Variants in SNX16 observed in about 807,000 individuals in gnomAD.
SNX16 encodes the protein sorting nexin 16, also known as sorting nexin-16.
SNX16 carries 35 observed loss-of-function variants against 36.7 expected under a neutral mutation model. The observed-to-expected ratio is 0.95, with a 90% CI of 0.73 to 1.27. SNX16 has a LOEUF of 1.27. Ranked by LOEUF, SNX16 falls within the 50% of genes most tolerant of loss-of-function variation. SNX16 has a pLI of 0.00. For missense variants in SNX16, 367 were observed against 393.6 expected, an observed-to-expected ratio of 0.93 and a Z score of 0.57; for synonymous variants, 134 against 132.0, an observed-to-expected ratio of 1.02 and a Z score of -0.10.
At chr8:81,841,601 G>A (rs1811779921) in intron 1 of SNX16, 1 of 151,846 alleles carries the variant, frequency 6.6e-6, no homozygotes, top group South Asian at 2.1e-4. Flanking sequence ...ACTGACGTCC[G>A]AAGATGTGAG....
rs932878468 is a variant in SNX16, at chr8:81,839,516, A to G, written c.375+96T>C. On this transcript the variant is annotated intron_variant, in intron 2 of 7. Transcript: ENST00000345957. ...ATTAGAATTTCATATTCAAGAAATT[A>G]TAAGTACAAGTTTACATTAATTTAA... The G allele has an allele frequency of 9.3e-6, 11 of 1,186,764 alleles. No homozygotes were observed. The Admixed American group carries it at 9.4e-5, about 10-fold the overall frequency. The allele number at this position is 1,186,764 out of a possible 1,614,324, so 73.5% of individuals were successfully genotyped here.
intron 2 of SNX16, among the ~76,000 whole-genome samples, chr8:81,839,293 T>C (rs1191245856): frequency 6.6e-6 from 1 of 152,070 alleles, no homozygotes; most frequent in Non-Finnish European, 1.5e-5. Context: ...ATAGGCAAAA[T>C]TAATCTAGGC....
intron 5 of SNX16, among the ~76,000 whole-genome samples, chr8:81,806,452 A>G (rs1323955233): frequency 6.6e-6 from 1 of 152,212 alleles, no homozygotes; most frequent in Non-Finnish European, 1.5e-5. Context: ...GCATTCACAC[A>G]CACACACATC....
chr8:81,833,981 C>T (rs1811381665), intron 2 of SNX16, among the ~76,000 whole-genome samples: 1 of 152,116 alleles, frequency 6.6e-6, no homozygotes, highest in African/African-American at 2.4e-5. Context: ...CATAAGCGTA[C>T]AACTTGACAA....
chr8:81,822,966 A>ATATATATATGTATATG (rs1554546284), intron 4 of SNX16, among the ~76,000 whole-genome samples: 8 of 126,938 alleles, frequency 6.3e-5, no homozygotes, highest in African/African-American at 1.4e-4. Context: ...ATATATATAT[A>ATATATATATGTATATG]TATATATATA....
rs73696317 is a variant in SNX16, at chr8:81,815,074, A to C, written c.681+251T>G. On this transcript the variant is annotated intron_variant, in intron 5 of 7. Transcript: ENST00000345957. ...AAATCATTTTTTTTGAAACAGTAAA[A>C]ATAATGCAGGATTTAATTTTAGAGC... is the stretch of plus-strand genomic sequence containing the variant. 152 of 198,998 alleles carry C rather than the reference A, an allele frequency of 7.6e-4. 1 individual carries two copies. The highest frequency in any genetic ancestry group is 3.4e-3 in the African/African-American group (148 of 43,290). 12.3% of individuals were successfully genotyped at this position (198,998 alleles called of 1,614,324 possible). A position where few individuals can be genotyped will look rare whatever the true frequency, so the allele number is the denominator to read the frequency against.
chr8:81,809,427 A>G (rs1233698989), intron 5 of SNX16, among the ~76,000 whole-genome samples: 1 of 146,252 alleles, frequency 6.8e-6, no homozygotes, highest in African/African-American at 2.4e-5. Context: ...TCAATAAACA[A>G]TTTAATTCTC....
At position 81,829,438 on chromosome 8, in the gene SNX16, T is replaced by G. The variant is rs1235007108; in HGVS notation, c.454A>C (p.Asn152His). 7.2e-7 allele frequency: 1 copy of G among 1,395,060 alleles called. No homozygotes were observed. Among genetic ancestry groups the G allele is most frequent in the Non-Finnish European group, 9.4e-7 (1 of 1,061,570 alleles). 86.4% of individuals were successfully genotyped at this position (1,395,060 alleles called of 1,614,324 possible). Residue 152 changes from asparagine (N) to histidine (H), a missense_variant, in exon 3 of 8, where the codon AAT becomes CAT. Transcript: ENST00000345957. ...TTTATTATAGTACTTACTTTGTCAT[T>G]AAGCCTAGAGAAGTCAGTGTATCTT... ...FRRYTDFSRL[N>H]DKLKEMFPGF...
At chr8:81,820,617 T>A (rs778514474) in intron 4 of SNX16, among the ~76,000 whole-genome samples, 1 of 152,004 alleles carries the variant, frequency 6.6e-6, no homozygotes, top group South Asian at 2.1e-4. Context: ...TGTTTCTGAC[T>A]TATATCCATT....
At chr8:81,838,230 T>C (rs1811580428) in intron 2 of SNX16, among the ~76,000 whole-genome samples, 1 of 151,422 alleles carries the variant, frequency 6.6e-6, no homozygotes, top group African/African-American at 2.4e-5. Context: ...TAGAAAAAAA[T>C]GACTTAAGTA....
At chr8:81,828,565 T>C (rs1351301146) in intron 3 of SNX16, among the ~76,000 whole-genome samples, 1 of 152,230 alleles carries the variant, frequency 6.6e-6, no homozygotes, top group Non-Finnish European at 1.5e-5. Flanking sequence ...GAATTCTAGA[T>C]GGTCCATGAT....
rs899430381 is a variant in SNX16, at chr8:81,799,855, T to C, written c.*1642A>G. 1.3e-5 allele frequency: 2 copies of C among 151,898 alleles called. No individual in the cohort carries two copies. The highest frequency in any genetic ancestry group is 1.3e-4 in the Admixed American group (2 of 15,262). The allele number at this position is 151,898 out of a possible 1,614,324, so 9.4% of individuals were successfully genotyped here. ...ATACAGAATGGTACTGATTAAATGA[T>C]TGTTCTTTTTAAGCCTTTTGTAAGT... On this transcript the variant is annotated 3_prime_UTR_variant, in exon 8 of 8. Transcript: ENST00000345957.
intron 4 of SNX16, among the ~76,000 whole-genome samples, chr8:81,822,989 T>C (rs1392515496): frequency 1.4e-5 from 2 of 146,602 alleles, no homozygotes; most frequent in Non-Finnish European, 3.0e-5. Flanking sequence ...CATATGTGTG[T>C]GTATATCTAT....
intron 5 of SNX16, among the ~76,000 whole-genome samples, chr8:81,804,724 T>C (rs1157390818): frequency 6.6e-6 from 1 of 151,990 alleles, no homozygotes; most frequent in Non-Finnish European, 1.5e-5. Context: ...AATACAAAAG[T>C]AGAAACATAC....
chr8:81,803,308 A>T, intron 5 of SNX16, 80 bp from the exon 6 acceptor site: 1 of 1,376,466 alleles, frequency 7.3e-7, no homozygotes, highest in Non-Finnish European at 9.8e-7. Flanking sequence ...CTTTCTCAAG[A>T]GCATTATTGA....
chr8:81,814,826 T>A (rs1810406453), intron 5 of SNX16: 1 of 152,156 alleles, frequency 6.6e-6, no homozygotes, highest in African/African-American at 2.4e-5. Context: ...TATTACCAAA[T>A]CTGTTTTGTG....
chr8:81,807,924 C>T, intron 5 of SNX16: 1 of 770,272 alleles, frequency 1.3e-6, no homozygotes, highest in Non-Finnish European at 2.4e-6. Context: ...ATCCAAACAC[C>T]AGGTGCTCCA....
chr8:81,808,445 T>C, intron 5 of SNX16: 1 of 1,086,618 alleles, frequency 9.2e-7, no homozygotes, highest in Non-Finnish European at 1.4e-6. Context: ...TCAGGGGTCA[T>C]GGTGGCTTTG....
At position 81,839,641 on chromosome 8, in the gene SNX16, C is replaced by A. The variant is rs1485422993; in HGVS notation, c.346G>T (p.Glu116Ter). The change falls in exon 2 of 8, where the codon GAA (glutamate) becomes TAA (stop). Residue 116 changes from glutamate to a stop codon, truncating the protein, a stop_gained. Coordinates refer to ENST00000345957, the MANE Select transcript of SNX16 (RefSeq NM_152836.3). LOFTEE classifies it high-confidence loss of function. Reference sequence around the variant, plus strand: ...AATTTAGCTCTTTCTTCCATCACTTCATAACCCAGTATAGTAGGTGTAGAT... The same window carrying A: ...AATTTAGCTCTTTCTTCCATCACTTAATAACCCAGTATAGTAGGTGTAGAT... ...RPSTPTILGY[E>*]VMEERAKFTV... is the part of the protein sequence containing the mutation. The A allele has an allele frequency of 5.6e-6, 9 of 1,613,324 alleles. No individual in the cohort carries two copies. Among genetic ancestry groups the A allele is most frequent in the Non-Finnish European group, 7.6e-6 (9 of 1,179,648 alleles).
Sources: allele counts gnomAD v4.1 joint callset (sites outside exome capture counted in the v4.1 genomes callset), GRCh38; gene constraint gnomAD v4.1.1; transcripts MANE v1.5; gene names NCBI Gene and HGNC (gene_info 2026-07-23, HGNC 2026-07-21).